CNTNAP4: variants seen among roughly 807,000 people sequenced by gnomAD.
CNTNAP4 encodes contactin-associated protein-like 4.
Under a neutral mutation model 148.4 loss-of-function variants are expected in CNTNAP4, and 98 were observed. The observed-to-expected ratio is 0.66, with a 90% CI of 0.56 to 0.78. The LOEUF (loss-of-function observed/expected upper bound fraction) is 0.78, where lower values mean the gene tolerates loss of function less well. Among genes scored for constraint, CNTNAP4 ranks in the 30% least tolerant of loss-of-function variants. The pLI, the probability that CNTNAP4 is intolerant of heterozygous loss-of-function variation, is 0.00. For synonymous variants in CNTNAP4, 730 were observed against 565.1 expected (o/e 1.29, Z -4.14); for missense variants, 1,935 against 1,565.6 (o/e 1.24, Z -3.98).
At chr16:76,349,884 G>C (rs1965228414) in intron 2 of CNTNAP4, among the ~76,000 whole-genome samples, 1 of 151,924 alleles carries the variant, frequency 6.6e-6, no homozygotes, top group Non-Finnish European at 1.5e-5. Context: ...CGCCTTTACT[G>C]ATGACCACCA....
intron 3 of CNTNAP4, among the ~76,000 whole-genome samples, chr16:76,361,855 G>A (rs1051396625): frequency 2.6e-4 from 40 of 152,046 alleles, no homozygotes; most frequent in African/African-American, 9.2e-4. Flanking sequence ...TTGTTTAAAT[G>A]ACAGATATCC....
intron 23 of CNTNAP4, among the ~76,000 whole-genome samples, chr16:76,555,377 ACT>A (rs1568633286): frequency 6.6e-6 from 1 of 152,126 alleles, no homozygotes; most frequent in African/African-American, 2.4e-5. Flanking sequence ...AAACAAAAAA[ACT>A]CTATTTGAAG....
At chr16:76,280,422 A>G (rs1958642907) in intron 1 of CNTNAP4, among the ~76,000 whole-genome samples, 1 of 152,202 alleles carries the variant, frequency 6.6e-6, no homozygotes, top group African/African-American at 2.4e-5. Context: ...GTATGTAGAT[A>G]TCTAAACTAC....
chr16:76,365,609 G>C (rs1398898844), intron 3 of CNTNAP4, among the ~76,000 whole-genome samples: 1 of 151,846 alleles, frequency 6.6e-6, no homozygotes, highest in Non-Finnish European at 1.5e-5. Context: ...AAAATTACCC[G>C]GGTATAGTGG....
intron 3 of CNTNAP4, among the ~76,000 whole-genome samples, chr16:76,415,199 C>A (rs111496145): frequency 2.0e-5 from 3 of 151,214 alleles, no homozygotes; most frequent in African/African-American, 7.2e-5. Flanking sequence ...TAGAATTATA[C>A]TGAATGCTAT....
chr16:76,502,495 A>G lies in CNTNAP4; in HGVS notation c.2365+3801A>G, dbSNP rs191317791. On this transcript the variant is annotated intron_variant, in intron 15 of 23. Coordinates refer to ENST00000611870, the MANE Select transcript of CNTNAP4 (RefSeq NM_033401.5). Reference sequence around the variant, plus strand: ...GCTGCATGGACATTACTTTGAAGGCATCAGGACTACACATTGAATAATTTA... The same window carrying G: ...GCTGCATGGACATTACTTTGAAGGCGTCAGGACTACACATTGAATAATTTA... Among the ~76,000 whole-genome samples the G allele has an allele frequency of 4.6e-5, 7 of 152,212 alleles. No homozygotes were observed. In the East Asian group the frequency reaches 1.2e-3, roughly 25 times the overall value.
At position 76,558,639 on chromosome 16, in the gene CNTNAP4, A is replaced by G. The variant is rs1429977592; in HGVS notation, c.3883A>G (p.Ile1295Val). The change falls in exon 24 of 24, where the codon ATA becomes GTA. Residue 1295 changes from isoleucine to valine, a missense_variant. By Grantham distance (29) the Ile-to-Val change is conservative (BLOSUM62 3). Coordinates refer to ENST00000611870, the MANE Select transcript of CNTNAP4 (RefSeq NM_033401.5). ...GGCTGTTCTGAAAAGTGAGCTTAAT[A>G]TACAAAATGCAGTCAATGAAAATCA... ...AEAVLKSELNIQNAVNENQKE... is the reference protein window; with the variant it reads ...AEAVLKSELNVQNAVNENQKE... 6.2e-7 allele frequency: 1 copy of G among 1,612,298 alleles called. No individual in the cohort carries two copies. The highest frequency in any genetic ancestry group is 1.3e-5 in the African/African-American group (1 of 75,014).
intron 12 of CNTNAP4, among the ~76,000 whole-genome samples, chr16:76,485,379 A>G (rs1364357359): frequency 1.3e-5 from 2 of 152,036 alleles, no homozygotes; most frequent in Non-Finnish European, 2.9e-5. Flanking sequence ...AGCCTCCCAA[A>G]GTGCTGGGAT....
chr16:76,408,428 T>C (rs996240838), intron 3 of CNTNAP4, among the ~76,000 whole-genome samples: 1 of 151,934 alleles, frequency 6.6e-6, no homozygotes, highest in Non-Finnish European at 1.5e-5. Flanking sequence ...ACCACCCACA[T>C]TCACTAGATA....
At chr16:76,538,411 T>G (rs2084312949) in intron 19 of CNTNAP4, 71 bp downstream of exon 19, 4 of 1,176,550 alleles carry the variant, frequency 3.4e-6, no homozygotes, top group Non-Finnish European at 4.9e-6. Context: ...TGGATCATTC[T>G]CGTGTTCTGG....
chr16:76,489,939 A>C, intron 13 of CNTNAP4, 56 bp downstream of exon 13: 5 of 1,189,630 alleles, frequency 4.2e-6, no homozygotes, highest in African/African-American at 1.5e-5. Context: ...CACTTACTCA[A>C]CTAGCTCCTG....
chr16:76,378,284 T>TA (rs993740645), intron 3 of CNTNAP4, among the ~76,000 whole-genome samples: 149 of 151,906 alleles, frequency 9.8e-4, no homozygotes, highest in African/African-American at 3.4e-3. Context: ...TCTATCAAAT[T>TA]AAAAAATAAA....
intron 3 of CNTNAP4, among the ~76,000 whole-genome samples, chr16:76,373,312 A>T (rs1460480842): frequency 6.6e-6 from 1 of 151,970 alleles, no homozygotes; most frequent in Non-Finnish European, 1.5e-5. Context: ...TTCCACATAA[A>T]TATGTGGAGT....
chr16:76,402,473 CA>C (rs1401736171), intron 3 of CNTNAP4, among the ~76,000 whole-genome samples: 1 of 150,970 alleles, frequency 6.6e-6, no homozygotes, highest in Non-Finnish European at 1.5e-5. Flanking sequence ...CCTATCTTAT[CA>C]ATTTTTATTA....
chr16:76,460,770 A>AT (rs1568265458), intron 8 of CNTNAP4, among the ~76,000 whole-genome samples: 1,954 of 75,284 alleles, frequency 0.026, 188 homozygotes, highest in African/African-American at 0.075. Flanking sequence ...AAAAAAAAAA[A>AT]AAAATATATA....
intron 4 of CNTNAP4, among the ~76,000 whole-genome samples, chr16:76,436,048 C>T (rs905096002): frequency 2.0e-5 from 3 of 152,030 alleles, no homozygotes; most frequent in Non-Finnish European, 2.9e-5. Flanking sequence ...TCTAGGGGCC[C>T]GCCAGGACTT....
At chr16:76,370,987 A>G (rs1370648723) in intron 3 of CNTNAP4, among the ~76,000 whole-genome samples, 1 of 151,992 alleles carries the variant, frequency 6.6e-6, no homozygotes, top group Non-Finnish European at 1.5e-5. Context: ...CAGTCTTTCA[A>G]TGTCCTGAAA....
chr16:76,311,320 G>T (rs1227595898), intron 1 of CNTNAP4, among the ~76,000 whole-genome samples: 2 of 152,022 alleles, frequency 1.3e-5, no homozygotes, highest in African/African-American at 2.4e-5. Context: ...TATACAATCT[G>T]CCAGAGATCT....
At chr16:76,454,009 T>A (rs1318308644) in intron 8 of CNTNAP4, among the ~76,000 whole-genome samples, 1 of 152,174 alleles carries the variant, frequency 6.6e-6, no homozygotes, top group Admixed American at 6.5e-5. Flanking sequence ...ATCTGACATC[T>A]TCTGAAGTGG....
Sources: gnomAD v4.1 joint callset for allele counts (sites outside exome capture counted in the v4.1 genomes callset) on GRCh38, gnomAD v4.1.1 for gene constraint, MANE v1.5 for transcripts, NCBI Gene and HGNC (gene_info 2026-07-23, HGNC 2026-07-21) for gene names.